The following ETNK1 variants were observed in gnomAD, a reference collection of about 807,000 sequenced individuals.
ETNK1 encodes the protein ethanolamine kinase 1, also known as putative protein product of Nbla10396.
A neutral mutation model predicts 45.1 loss-of-function variants in ETNK1; 8 were observed. The observed-to-expected ratio is 0.18, with a 90% CI of 0.10 to 0.32. The LOEUF (loss-of-function observed/expected upper bound fraction) is 0.32, where lower values mean the gene tolerates loss of function less well. Ranked by LOEUF, ETNK1 falls within the 10% of genes least tolerant of loss-of-function variation. The probability of loss-of-function intolerance (pLI) is 1.00; values close to 1 mark genes in which losing one functional copy is unlikely to be tolerated. For synonymous variants in ETNK1, 152 were observed against 151.9 expected, an observed-to-expected ratio of 1.00 and a Z score of -0.01; for missense variants, 302 against 430.6, an observed-to-expected ratio of 0.70 and a Z score of 2.64.
chr12:22,654,627 C>T (rs1221999612), intron 2 of ETNK1, among the ~76,000 whole-genome samples: 1 of 152,102 alleles, frequency 6.6e-6, no homozygotes, highest in Non-Finnish European at 1.5e-5. Context: ...GTTCTGACCA[C>T]AAGAACAGAT....
chr12:22,672,729 C>G (rs1954121535), intron 5 of ETNK1, among the ~76,000 whole-genome samples: 1 of 152,158 alleles, frequency 6.6e-6, no homozygotes, highest in South Asian at 2.1e-4. Context: ...GAACTACTTA[C>G]TTTTATAGGA....
At chr12:22,662,163 G>A (rs573535688) in intron 4 of ETNK1, among the ~76,000 whole-genome samples, 2 of 140,752 alleles carry the variant, frequency 1.4e-5, no homozygotes, top group African/African-American at 5.3e-5. Context: ...CGCCTCCCAA[G>A]TTCAAGTGAT....
intron 4 of ETNK1, 31 bp downstream of exon 4, chr12:22,661,236 T>A (rs775613608): frequency 2.6e-6 from 4 of 1,555,946 alleles, no homozygotes; most frequent in Non-Finnish European, 3.5e-6. Context: ...GTAAGTAAAA[T>A]TGATTTCTTT....
intron 3 of ETNK1, 128 bp downstream of exon 3, chr12:22,659,282 C>T: frequency 2.1e-6 from 2 of 942,344 alleles, no homozygotes; most frequent in South Asian, 1.8e-5. Context: ...GTAAAGTAAG[C>T]ATTGATTCTT....
intron 1 of ETNK1, chr12:22,625,788 A>C: frequency 1.3e-6 from 1 of 791,040 alleles, no homozygotes; most frequent in Non-Finnish European, 2.1e-6. Context: ...TTTGAGATTG[A>C]CCTGAGGCAC....
At position 22,655,319 on chromosome 12, in the gene ETNK1, G is replaced by GGTTT. The variant is rs1398217199; in HGVS notation, c.417-3686_417-3683dup. Among the ~76,000 whole-genome samples the GGTTT allele has an allele frequency of 1.2e-3, 170 of 139,496 alleles. 1 individual carries two copies. The highest frequency in any genetic ancestry group is 5.1e-3 in the East Asian group (23 of 4,530). The allele number at this position is 139,496 out of a possible 152,430, so 91.5% of individuals were successfully genotyped here. On this transcript the variant is annotated intron_variant, in intron 2 of 7. Coordinates refer to ENST00000266517, the MANE Select transcript of ETNK1 (RefSeq NM_018638.5). ...GCAAGTTAGTCTATAGGATATTTGG[G>GGTTT]GTTTGTTTGTTTTTTTTTTTTTTTT...
intron 1 of ETNK1, chr12:22,626,085 G>A: frequency 2.9e-6 from 1 of 347,612 alleles, no homozygotes. Flanking sequence ...AATTCCCAAA[G>A]TAATGACCAC....
intron 1 of ETNK1, 63 bp from the exon 2 acceptor site, chr12:22,643,700 T>C (rs761654864): frequency 5.4e-5 from 74 of 1,376,078 alleles, no homozygotes; most frequent in Non-Finnish European, 7.0e-5. Flanking sequence ...TTTCAATTTA[T>C]CTCCTGTTCT....
At chr12:22,671,944 A>G (rs1048717185) in intron 5 of ETNK1, among the ~76,000 whole-genome samples, 1 of 151,102 alleles carries the variant, frequency 6.6e-6, no homozygotes, top group Non-Finnish European at 1.5e-5. Flanking sequence ...ATCTTACCTC[A>G]TTTTTTTCTC....
At chr12:22,627,761 G>GT (rs980196870) in intron 1 of ETNK1, among the ~76,000 whole-genome samples, 4 of 151,568 alleles carry the variant, frequency 2.6e-5, no homozygotes, top group Admixed American at 6.6e-5. Flanking sequence ...TTTTTTCTCA[G>GT]TTTTTTTCTA....
At position 22,689,806 on chromosome 12, in the gene ETNK1, G is replaced by A. The variant is rs1303383846; in HGVS notation, c.*4852G>A. The A allele has an allele frequency of 6.6e-6, 1 of 152,004 alleles. No individual in the cohort carries two copies. Among genetic ancestry groups the A allele is most frequent in the African/African-American group, 2.4e-5 (1 of 41,426 alleles). The allele number at this position is 152,004 out of a possible 1,614,324, so 9.4% of individuals were successfully genotyped here. On this transcript the variant is annotated 3_prime_UTR_variant, in exon 8 of 8. Transcript: ENST00000266517. ...ACTTAATTATAGGTAGTGACACACT[G>A]AAATTCTTATTTGTCCAATAATCTG...
In ETNK1 at chr12:22,625,241, T is replaced by C. The variant is rs1384083037; in HGVS notation, c.-190T>C. On this transcript the variant is annotated 5_prime_UTR_variant, in exon 1 of 8. Coordinates refer to ENST00000266517, the MANE Select transcript of ETNK1 (RefSeq NM_018638.5). ...AGCGGGCCGGGCTCAGTTCAGCTGC[T>C]GTCCAGACCCGGATCGGCAACAGTG... The C allele has an allele frequency of 2.5e-6, 4 of 1,611,966 alleles. No individual in the cohort carries two copies. The African/African-American group carries it at 4.0e-5, about 16-fold the overall frequency.
At chr12:22,670,369 AT>A (rs72477831) in intron 4 of ETNK1, among the ~76,000 whole-genome samples, 11,164 of 144,974 alleles carry the variant, frequency 0.077, 489 homozygotes, top group South Asian at 0.15. Context: ...ACCCACATTG[AT>A]TTTTTTTTTT....
At chr12:22,675,624 T>C (rs1411747268) in intron 6 of ETNK1, among the ~76,000 whole-genome samples, 2 of 152,148 alleles carry the variant, frequency 1.3e-5, no homozygotes, top group African/African-American at 4.8e-5. Flanking sequence ...TCCCAGGGTA[T>C]TGGGACTACA....
At chr12:22,649,851 T>G (rs1376021775) in intron 2 of ETNK1, among the ~76,000 whole-genome samples, 1 of 152,128 alleles carries the variant, frequency 6.6e-6, no homozygotes, top group African/African-American at 2.4e-5. Context: ...AATAACTTGC[T>G]GGGATTTTGA....
At chr12:22,645,480 C>T (rs1027071248) in intron 2 of ETNK1, among the ~76,000 whole-genome samples, 1 of 151,666 alleles carries the variant, frequency 6.6e-6, no homozygotes, top group African/African-American at 2.4e-5. Flanking sequence ...TAAAAATATC[C>T]TTTTCTATAC....
chr12:22,658,943 G>C, intron 2 of ETNK1, 71 bp from the exon 3 acceptor site: 1 of 1,491,128 alleles, frequency 6.7e-7, no homozygotes. Flanking sequence ...GTTTCATCAA[G>C]AATCTTTGTC....
chr12:22,651,564 T>G (rs1381692646), intron 2 of ETNK1, among the ~76,000 whole-genome samples: 1 of 152,142 alleles, frequency 6.6e-6, no homozygotes, highest in Non-Finnish European at 1.5e-5. Flanking sequence ...GCTCCAGTTG[T>G]CACCATCTTA....
chr12:22,670,022 T>G (rs1270969776), intron 4 of ETNK1, among the ~76,000 whole-genome samples: 2 of 152,104 alleles, frequency 1.3e-5, no homozygotes, highest in African/African-American at 4.8e-5. Flanking sequence ...TTAAAAACAT[T>G]TTTGCTTTTA....
Sources: allele counts gnomAD v4.1 joint callset (sites outside exome capture counted in the v4.1 genomes callset), GRCh38; gene constraint gnomAD v4.1.1; transcripts MANE v1.5; gene names NCBI Gene and HGNC (gene_info 2026-07-23, HGNC 2026-07-21).